Variants in B3GNT3 observed in about 807,000 individuals in gnomAD.
B3GNT3 encodes N-acetyllactosaminide beta-1,3-N-acetylglucosaminyltransferase 3.
Under a neutral mutation model 11.6 loss-of-function variants are expected in B3GNT3, and 7 were observed. The ratio of observed to expected loss-of-function variants is 0.60; its 90% CI spans 0.34 to 1.13. The LOEUF (loss-of-function observed/expected upper bound fraction) is 1.13. Ranked by LOEUF, B3GNT3 falls within the 50% of genes most tolerant of loss-of-function variation. The pLI, the probability that B3GNT3 is intolerant of heterozygous loss-of-function variation, is 0.03. For missense variants in B3GNT3, 400 were observed against 507.4 expected (o/e 0.79, Z 2.03); for synonymous variants, 201 against 222.1 (o/e 0.90, Z 0.85).
rs1006854 is a variant in B3GNT3, at chr19:17,811,135, G to T, written c.568-436G>T. On this transcript the variant is annotated intron_variant, in intron 2 of 2. Coordinates refer to ENST00000318683, the MANE Select transcript of B3GNT3 (RefSeq NM_014256.4). This position sits in a 1 kb window ranked among gnomAD's most constrained non-coding sequence, Gnocchi z 4.1. ...AGGCTGAGGTGGAAGGATCACCTGA[G>T]CCCGGGAATTTGAGGCTGCAATGAA... 0.58 allele frequency among the ~76,000 whole-genome samples: 87,356 copies of T among 151,742 alleles called. 25,670 individuals are homozygous for T. Among genetic ancestry groups the T allele is most frequent in the African/African-American group, 0.67 (27,874 of 41,394 alleles).
chr19:17,811,850 C>G lies in B3GNT3; in HGVS notation c.847C>G (p.Leu283Val), dbSNP rs1466950845. ...GCTGTCCCGCTTCACGGCCGCTGCC[C>G]TGCGCCGTGCTGCCCATGTCTTGGA... ...FLLSRFTAAA[L>V]RRAAHVLDIF... is the part of the protein sequence containing the mutation. The change falls in exon 3 of 3, where the codon CTG becomes GTG. Residue 283 changes from leucine (L) to valine (V), a missense_variant. Leu to Val is a conservative substitution (Grantham distance 32). Coordinates refer to ENST00000318683, the MANE Select transcript of B3GNT3 (RefSeq NM_014256.4). The surrounding 1 kb of genome is among the most constrained non-coding windows in gnomAD (Gnocchi z 4.1). 1 of 1,614,236 alleles carries G rather than the reference C, an allele frequency of 6.2e-7. No homozygotes were observed. Among genetic ancestry groups the G allele is most frequent in the Admixed American group, 1.7e-5 (1 of 60,032 alleles).
In B3GNT3 at chr19:17,811,650, A is replaced by G; in HGVS notation, c.647A>G (p.His216Arg). 6.2e-7 allele frequency: 1 copy of G among 1,614,218 alleles called. No individual in the cohort carries two copies. Residue 216 changes from histidine to arginine, a missense_variant, in exon 3 of 3, where the codon CAC (histidine) becomes CGC (arginine). Transcript: ENST00000318683. This position sits in a 1 kb window ranked among gnomAD's most constrained non-coding sequence, Gnocchi z 4.1. The part of the protein sequence containing the change: ...VLNGDDDVFA[H>R]TDNMVFYLQD... ...AACGGGGATGATGACGTCTTTGCAC[A>G]CACAGACAACATGGTCTTCTACCTG...
Position 17,807,869 on chromosome 19 carries a change from C to A in B3GNT3, c.62C>A (p.Thr21Asn). The A allele has an allele frequency of 6.2e-7, 1 of 1,613,488 alleles. No individual in the cohort carries two copies. Among genetic ancestry groups the A allele is most frequent in the Non-Finnish European group, 8.5e-7 (1 of 1,180,000 alleles). Residue 21 changes from threonine to asparagine, a missense_variant, in exon 2 of 3, where the codon ACC (threonine) becomes AAC (asparagine). By Grantham distance (65) the Thr-to-Asn change is moderately conservative. Coordinates refer to ENST00000318683, the MANE Select transcript of B3GNT3 (RefSeq NM_014256.4). ...CTCATTCTGGCCATCGGCGCTTTCA[C>A]CCTCCTCCTCTTCAGTCTGCTAGTG... Reference protein sequence around the residue: ...ATLILAIGAFTLLLFSLLVSP... With the variant: ...ATLILAIGAFNLLLFSLLVSP...
chr19:17,807,111 A>AGGGTGTGTGTGTGTGTGTGTGTGT (rs2094174032), intron 1 of B3GNT3, among the ~76,000 whole-genome samples: 1 of 116,242 alleles, frequency 8.6e-6, no homozygotes, highest in Non-Finnish European at 1.8e-5. Context: ...CAGTGGCCCC[A>AGGGTGTGTGTGTGTGTGTGTGTGT]GTGTGTGTGT....
intron 1 of B3GNT3, among the ~76,000 whole-genome samples, chr19:17,805,386 AC>A (rs568808290): frequency 1.6e-3 from 236 of 152,188 alleles, no homozygotes; most frequent in Non-Finnish European, 2.7e-3. Flanking sequence ...GGCCTGAGCC[AC>A]CTTGCCCAGC....
At chr19:17,804,174 C>T (rs1005415210) in intron 1 of B3GNT3, among the ~76,000 whole-genome samples, 28 of 151,270 alleles carry the variant, frequency 1.9e-4, no homozygotes, top group African/African-American at 5.8e-4. Context: ...GGGCTGTGAT[C>T]GAAACATTGA....
Position 17,811,922 on chromosome 19 carries a change from G to A in B3GNT3, c.919G>A (p.Glu307Lys), listed in dbSNP as rs1044284298. Residue 307 changes from glutamate to lysine, a missense_variant, in exon 3 of 3, where the codon GAG becomes AAG. Coordinates refer to ENST00000318683, the MANE Select transcript of B3GNT3 (RefSeq NM_014256.4). This position sits in a 1 kb window ranked among gnomAD's most constrained non-coding sequence, Gnocchi z 4.1. ...DVFLGMCLEL[E>K]GLKPASHSGI... ...CTTCCTGGGTATGTGTCTGGAGCTT[G>A]AGGGACTGAAGCCTGCCTCCCACAG... The A allele has an allele frequency of 1.1e-5, 17 of 1,613,142 alleles. No individual in the cohort carries two copies. The highest frequency in any genetic ancestry group is 5.3e-5 in the African/African-American group (4 of 74,946).
chr19:17,799,086 C>T (rs956978046), intron 1 of B3GNT3, among the ~76,000 whole-genome samples: 15 of 152,270 alleles, frequency 9.9e-5, no homozygotes, highest in Non-Finnish European at 1.8e-4. Context: ...GACTCAAATC[C>T]GTATGTAGTC....
rs1053579056 is a variant in B3GNT3, at chr19:17,802,802, C to T, written c.-50-4956C>T. On this transcript the variant is annotated intron_variant, in intron 1 of 2. Transcript: ENST00000318683. ...AAGTGATCCTCCCACCTCAGCCTCC[C>T]GAGTAGCTGGGACTAAAGGCATACA... Among the ~76,000 whole-genome samples the T allele has an allele frequency of 5.3e-5, 8 of 151,930 alleles. 1 individual carries two copies. The highest frequency in any genetic ancestry group is 7.2e-5 in the African/African-American group (3 of 41,432).
chr19:17,807,111 AGTGTGTGTGTGTGTGTGT>A (rs56140662), intron 1 of B3GNT3, among the ~76,000 whole-genome samples: 1 of 116,242 alleles, frequency 8.6e-6, no homozygotes, highest in African/African-American at 3.3e-5. Context: ...CAGTGGCCCC[AGTGTGTGTGTGTGTGTGT>A]GTGTGTGTGT....
At position 17,807,963 on chromosome 19, in the gene B3GNT3, A is replaced by ACGCCCCC; in HGVS notation, c.157_158insGCCCCCC (p.Pro53ArgfsTer52). ...CCGAGGCCCTGGCCTGGCCCACTCCACCCACCCGCCCAGCCCCGGCCCCGT... is the reference window on the plus strand; with the variant it reads ...CCGAGGCCCTGGCCTGGCCCACTCCACGCCCCCCCCACCCGCCCAGCCCCGGCCCCGT... On this transcript the variant is annotated frameshift_variant, in exon 2 of 3. Transcript: ENST00000318683. LOFTEE classifies it high-confidence loss of function. 2 of 1,223,222 alleles carry ACGCCCCC rather than the reference A, an allele frequency of 1.6e-6. No individual in the cohort carries two copies. The highest frequency in any genetic ancestry group is 2.3e-6 in the Non-Finnish European group (2 of 866,404). 75.8% of individuals were successfully genotyped at this position (1,223,222 alleles called of 1,614,324 possible). A position where few individuals can be genotyped will look rare whatever the true frequency, so the allele number is the denominator to read the frequency against.
At chr19:17,794,830 T>A, upstream of B3GNT3, 1 of 152,438 alleles carries the variant, frequency 6.6e-6, no homozygotes, top group East Asian at 1.9e-4. Context: ...AAGGCGCTGC[T>A]TGTTCATCTC....
rs78397986 is a variant in B3GNT3, at chr19:17,805,205, T to C, written c.-50-2553T>C. ...GCCTCAAACTCCTGGGGTCAGGCAA[T>C]CCTCCCACCTCAACCTCCCGCATAG... On this transcript the variant is annotated intron_variant, in intron 1 of 2. Transcript: ENST00000318683. Among the ~76,000 whole-genome samples, 1,172 of 150,976 alleles carry C rather than the reference T, an allele frequency of 7.8e-3. 14 individuals are homozygous for C. Among genetic ancestry groups the C allele is most frequent in the African/African-American group, 0.027 (1,109 of 41,002 alleles).
At chr19:17,803,009 A>ATTTT (rs71164307) in intron 1 of B3GNT3, among the ~76,000 whole-genome samples, 3 of 146,404 alleles carry the variant, frequency 2.0e-5, no homozygotes, top group Non-Finnish European at 4.5e-5. Context: ...GTGTTAAAGG[A>ATTTT]TTTTTTTTTT....
intron 1 of B3GNT3, among the ~76,000 whole-genome samples, chr19:17,795,725 A>G (rs2094158800): frequency 6.6e-6 from 1 of 152,094 alleles, no homozygotes; most frequent in Admixed American, 6.6e-5. Context: ...ACATTGCTGA[A>G]CCGGCCTCAG....
intron 2 of B3GNT3, among the ~76,000 whole-genome samples, chr19:17,809,664 G>T (rs1320542730): frequency 6.6e-6 from 1 of 151,414 alleles, no homozygotes; most frequent in Non-Finnish European, 1.5e-5. Context: ...GGCCAGGCTG[G>T]TCTCAAACTC....
In B3GNT3 at chr19:17,807,963, A is replaced by AGGCCCCCCCCCCCCC; in HGVS notation, c.156_157insGGCCCCCCCCCCCCC (p.Pro52_Pro53insGlyProProProPro). 1.6e-6 allele frequency: 2 copies of AGGCCCCCCCCCCCCC among 1,223,224 alleles called. No homozygotes were observed. Among genetic ancestry groups the AGGCCCCCCCCCCCCC allele is most frequent in the Non-Finnish European group, 2.3e-6 (2 of 866,406 alleles). 75.8% of individuals were successfully genotyped at this position (1,223,224 alleles called of 1,614,324 possible). A position where few individuals can be genotyped will look rare whatever the true frequency, so the allele number is the denominator to read the frequency against. ...CCGAGGCCCTGGCCTGGCCCACTCC[A>AGGCCCCCCCCCCCCC]CCCACCCGCCCAGCCCCGGCCCCGT... On this transcript the variant is annotated inframe_insertion, in exon 2 of 3. Coordinates refer to ENST00000318683, the MANE Select transcript of B3GNT3 (RefSeq NM_014256.4).
At position 17,812,237 on chromosome 19, in the gene B3GNT3, T is replaced by C; in HGVS notation, c.*115T>C. ...GAGCATAAGGGAGTGCCAGGGAAGG[T>C]TTGAGGTTTGATGAGTGAATATTCT... On this transcript the variant is annotated 3_prime_UTR_variant, in exon 3 of 3. Coordinates refer to ENST00000318683, the MANE Select transcript of B3GNT3 (RefSeq NM_014256.4). 1 of 1,200,810 alleles carries C rather than the reference T, an allele frequency of 8.3e-7. No individual in the cohort carries two copies. Among genetic ancestry groups the C allele is most frequent in the Non-Finnish European group, 1.1e-6 (1 of 884,518 alleles). The allele number at this position is 1,200,810 out of a possible 1,614,324, so 74.4% of individuals were successfully genotyped here.
rs368412972 is a variant in B3GNT3, at chr19:17,807,970, C to G, written c.163C>G (p.Arg55Gly). ...CCTGGCCTGGCCCACTCCACCCACCCGCCCAGCCCCGGCCCCGTGCCATGC... is the reference window on the plus strand; with the variant it reads ...CCTGGCCTGGCCCACTCCACCCACCGGCCCAGCCCCGGCCCCGTGCCATGC... Reference protein sequence around the residue: ...EALAWPTPPTRPAPAPCHANT... With the variant: ...EALAWPTPPTGPAPAPCHANT... Residue 55 changes from arginine (R) to glycine (G), a missense_variant, in exon 2 of 3, where the codon CGC becomes GGC. By Grantham distance (125) the Arg-to-Gly change is moderately radical (BLOSUM62 -2). Transcript: ENST00000318683. 2 of 1,611,008 alleles carry G rather than the reference C, an allele frequency of 1.2e-6. No individual in the cohort carries two copies. The highest frequency in any genetic ancestry group is 2.7e-5 in the African/African-American group (2 of 74,676).
Sources: gnomAD v4.1 joint callset for allele counts (sites outside exome capture counted in the v4.1 genomes callset) on GRCh38, gnomAD v4.1.1 for gene constraint, Gnocchi (gnomAD v3.1) non-coding constraint, MANE v1.5 for transcripts, NCBI Gene and HGNC (gene_info 2026-07-23, HGNC 2026-07-21) for gene names.